NME7: variants seen among roughly 807,000 people sequenced by gnomAD.
The protein encoded by NME7 is nucleoside diphosphate kinase 7.
A neutral mutation model predicts 49.1 loss-of-function variants in NME7; 41 were observed. The observed-to-expected ratio is 0.83, with a 90% CI of 0.65 to 1.08. The LOEUF is 1.08. NME7 is among the 50% of genes least tolerant of loss of function. NME7 has a pLI of 0.00. For missense variants in NME7, 423 were observed against 463.4 expected (o/e 0.91, Z 0.80); for synonymous variants, 139 against 150.6 (o/e 0.92, Z 0.56).
At chr1:169,290,300 T>A (rs1200447803) in intron 6 of NME7, among the ~76,000 whole-genome samples, 3 of 151,854 alleles carry the variant, frequency 2.0e-5, no homozygotes, top group Non-Finnish European at 4.4e-5. Flanking sequence ...TTTCTGTAAA[T>A]GTCCCAAATT....
At position 169,276,418 on chromosome 1, in the gene NME7, G is replaced by C. The variant is rs570190358; in HGVS notation, c.754+10885C>G. Among the ~76,000 whole-genome samples, 20 of 133,504 alleles carry C rather than the reference G, an allele frequency of 1.5e-4. 1 individual carries two copies. The South Asian group carries it at 4.6e-3, about 31-fold the overall frequency. The allele number at this position is 133,504 out of a possible 152,430, so 87.6% of individuals were successfully genotyped here. ...ACTTCTTCCTCGTTTAGTCTTGGGA[G>C]AGTGTATGTGTCGAGGAATTTATCC... On this transcript the variant is annotated intron_variant, in intron 7 of 11. Coordinates refer to ENST00000367811, the MANE Select transcript of NME7 (RefSeq NM_013330.5).
chr1:169,280,814 A>C (rs550868422), intron 7 of NME7, among the ~76,000 whole-genome samples: 2 of 148,114 alleles, frequency 1.4e-5, no homozygotes, highest in African/African-American at 4.9e-5. Context: ...TTTTGTCTAC[A>C]TATCTGTTTT....
intron 11 of NME7, among the ~76,000 whole-genome samples, chr1:169,158,988 A>T (rs191330932): frequency 1.1e-3 from 166 of 152,188 alleles, no homozygotes; most frequent in Non-Finnish European, 1.8e-3. Flanking sequence ...CAGTATCTTG[A>T]TTTTTGCTAG....
chr1:169,365,976 G>A (rs1653835963), intron 1 of NME7, among the ~76,000 whole-genome samples: 1 of 152,164 alleles, frequency 6.6e-6, no homozygotes, highest in Non-Finnish European at 1.5e-5. Flanking sequence ...TTCAGTTTTG[G>A]TCATATTAAG....
chr1:169,228,452 T>C (rs1054182232), intron 10 of NME7, among the ~76,000 whole-genome samples: 1 of 149,480 alleles, frequency 6.7e-6, no homozygotes, highest in South Asian at 2.1e-4. Flanking sequence ...CCGAGGCGGG[T>C]GGATCATGAG....
intron 1 of NME7, among the ~76,000 whole-genome samples, chr1:169,362,342 T>C (rs1265324543): frequency 2.6e-5 from 4 of 152,256 alleles, no homozygotes; most frequent in Non-Finnish European, 1.5e-5. Flanking sequence ...GGAGTAATGA[T>C]ATTCTAATAA....
rs551143506 is a variant in NME7 at position 169,356,553 on chromosome 1, G to T, written c.3+11155C>A. Reference sequence around the variant, plus strand: ...ATATCTCAGAAGGCTAAACCAAAAAGAATTGCTTAAAAATTATATGAATAA... The same window carrying T: ...ATATCTCAGAAGGCTAAACCAAAAATAATTGCTTAAAAATTATATGAATAA... On this transcript the variant is annotated intron_variant, in intron 1 of 11. Transcript: ENST00000367811. Among the ~76,000 whole-genome samples the T allele has an allele frequency of 5.3e-5, 8 of 152,222 alleles. No individual in the cohort carries two copies. The South Asian group carries it at 1.7e-3, about 32-fold the overall frequency.
intron 7 of NME7, among the ~76,000 whole-genome samples, chr1:169,251,561 C>CT (rs34473903): frequency 0.059 from 5,679 of 95,446 alleles, 139 homozygotes; most frequent in Non-Finnish European, 0.084. Context: ...TTTTTTTTTT[C>CT]TTTTTTTTTT....
rs34576386 is a variant in NME7, at chr1:169,311,416, C to CA, written c.279-1337dup. Among the ~76,000 whole-genome samples, 422 of 83,194 alleles carry CA rather than the reference C, an allele frequency of 5.1e-3. 2 individuals are homozygous for CA. The highest frequency in any genetic ancestry group is 7.4e-3 in the South Asian group (17 of 2,300). 54.6% of individuals were successfully genotyped at this position (83,194 alleles called of 152,430 possible). ...CCTGGGCGACAGCGAGACTCCATCTCAAAAAAAAAAAAAAAAAAAAAAATC... is the reference window on the plus strand; with the variant it reads ...CCTGGGCGACAGCGAGACTCCATCTCAAAAAAAAAAAAAAAAAAAAAAAATC... On this transcript the variant is annotated intron_variant, in intron 3 of 11. Coordinates refer to ENST00000367811, the MANE Select transcript of NME7 (RefSeq NM_013330.5).
chr1:169,175,311 T>G (rs1414561139), intron 10 of NME7, among the ~76,000 whole-genome samples: 3 of 152,134 alleles, frequency 2.0e-5, no homozygotes, highest in Non-Finnish European at 4.4e-5. Flanking sequence ...TGCCTTGTTC[T>G]GGAATACCTC....
chr1:169,237,697 A>G lies in NME7; in HGVS notation c.755-10T>C. The G allele has an allele frequency of 6.2e-7, 1 of 1,601,534 alleles. No homozygotes were observed. Among genetic ancestry groups the G allele is most frequent in the Non-Finnish European group, 8.5e-7 (1 of 1,173,204 alleles). On this transcript the variant is annotated splice_polypyrimidine_tract_variant and intron_variant, in intron 7 of 11. Transcript: ENST00000367811. ...ATCTTTCCCAACAGTCCTGAAAATG[A>G]AGGACAATGAGTGAAAAAATACAAA...
Position 169,191,059 on chromosome 1 carries a change from G to A in NME7, c.991-21505C>T, listed in dbSNP as rs1188732911. Reference sequence around the variant, plus strand: ...GATCTCCTGACCTCGTGATCCACCCGCCTCGGCCTCCCAAAGTGCTGGGAT... The same window carrying A: ...GATCTCCTGACCTCGTGATCCACCCACCTCGGCCTCCCAAAGTGCTGGGAT... On this transcript the variant is annotated intron_variant, in intron 10 of 11. Transcript: ENST00000367811. Among the ~76,000 whole-genome samples, 12 of 61,914 alleles carry A rather than the reference G, an allele frequency of 1.9e-4. 4 individuals carry two copies. The highest frequency in any genetic ancestry group is 5.3e-3 in the East Asian group (2 of 380). 40.6% of individuals were successfully genotyped at this position (61,914 alleles called of 152,430 possible). A position where few individuals can be genotyped will look rare whatever the true frequency, so the allele number is the denominator to read the frequency against.
chr1:169,212,649 T>C (rs976308164), intron 10 of NME7, among the ~76,000 whole-genome samples: 6 of 148,162 alleles, frequency 4.0e-5, no homozygotes, highest in African/African-American at 7.4e-5. Context: ...TTGCCCTAGC[T>C]GGAGTGTAGT....
chr1:169,278,076 C>T (rs1649820464), intron 7 of NME7, among the ~76,000 whole-genome samples: 1 of 151,712 alleles, frequency 6.6e-6, no homozygotes, highest in East Asian at 2.0e-4. Flanking sequence ...TGATGGGCTT[C>T]CCTTTGTGGG....
Position 169,270,313 on chromosome 1 carries a change from T to C in NME7, c.754+16990A>G, listed in dbSNP as rs562980394. On this transcript the variant is annotated intron_variant, in intron 7 of 11. Transcript: ENST00000367811. ...TAAAAAGACTAAATTGTTTCTCCAT[T>C]ACAAGTATAAAAGCCACTCTCCCAG... 3.7e-4 allele frequency among the ~76,000 whole-genome samples: 50 copies of C among 133,684 alleles called. 10 individuals carry two copies. The highest frequency in any genetic ancestry group is 1.3e-3 in the African/African-American group (50 of 39,664). 87.7% of individuals were successfully genotyped at this position (133,684 alleles called of 152,430 possible). A position where few individuals can be genotyped will look rare whatever the true frequency, so the allele number is the denominator to read the frequency against.
chr1:169,202,469 T>A (rs879339285), intron 10 of NME7, among the ~76,000 whole-genome samples: 1 of 152,152 alleles, frequency 6.6e-6, no homozygotes, highest in Non-Finnish European at 1.5e-5. Flanking sequence ...GCCAATTAAA[T>A]CTCTTATTTA....
intron 11 of NME7, among the ~76,000 whole-genome samples, chr1:169,147,629 A>C (rs527943842): frequency 1.3e-5 from 2 of 151,980 alleles, no homozygotes; most frequent in Admixed American, 1.3e-4. Flanking sequence ...ATCAATAAGC[A>C]ATAAGAAAGA....
At position 169,319,530 on chromosome 1, in the gene NME7, C is replaced by G. The variant is rs966736943; in HGVS notation, c.278+3587G>C. Among the ~76,000 whole-genome samples the G allele has an allele frequency of 4.6e-5, 7 of 152,286 alleles. 1 individual carries two copies. In the South Asian group the frequency reaches 1.4e-3, roughly 32 times the overall value. Reference sequence around the variant, plus strand: ...TTAAGCCCCTTCCAAGCACAGGTCTCATCTAAAATACGGCTTGTTTTTTTA... The same window carrying G: ...TTAAGCCCCTTCCAAGCACAGGTCTGATCTAAAATACGGCTTGTTTTTTTA... On this transcript the variant is annotated intron_variant, in intron 3 of 11. Transcript: ENST00000367811.
At chr1:169,132,885 A>G in intron 11 of NME7, 68 bp from the exon 12 acceptor site, 1 of 1,367,846 alleles carries the variant, frequency 7.3e-7, no homozygotes, top group Non-Finnish European at 1.0e-6. Flanking sequence ...AACAGAGTCC[A>G]AGAGGTTGGT....
Sources: gnomAD v4.1 joint callset for allele counts (sites outside exome capture counted in the v4.1 genomes callset) on GRCh38, gnomAD v4.1.1 for gene constraint, MANE v1.5 for transcripts, NCBI Gene and HGNC (gene_info 2026-07-23, HGNC 2026-07-21) for gene names.